B4GALNT2: variants seen among roughly 807,000 people sequenced by gnomAD.
B4GALNT2 encodes beta-1,4-N-acetyl-galactosaminyltransferase 2 (SID blood group), also known as N-acetylneuraminylgalactosylglucosyl-glucoside beta-1,4-N- acetylgalactosaminyltransferase 2.
A neutral mutation model predicts 51.1 loss-of-function variants in B4GALNT2; 42 were observed. The ratio of observed to expected loss-of-function variants is 0.82; its 90% CI spans 0.64 to 1.06. The LOEUF is 1.06. Ranked by LOEUF, B4GALNT2 falls within the 50% of genes least tolerant of loss-of-function variation. B4GALNT2 has a pLI of 0.00. For missense variants in B4GALNT2, 602 were observed against 633.6 expected, an observed-to-expected ratio of 0.95 and a Z score of 0.54; for synonymous variants, 253 against 251.7, an observed-to-expected ratio of 1.01 and a Z score of -0.05.
chr17:49,132,902 T>C, intron 1 of B4GALNT2, 96 bp downstream of exon 1: 1 of 1,377,648 alleles, frequency 7.3e-7, no homozygotes, highest in African/African-American at 1.5e-5. Context: ...GGGCAGGTGC[T>C]GGGGACGCAG....
chr17:49,160,702 A>C, intron 7 of B4GALNT2, 61 bp downstream of exon 7: 1 of 1,435,632 alleles, frequency 7.0e-7, no homozygotes, highest in East Asian at 2.3e-5. Flanking sequence ...GGTGAAATTC[A>C]GAAGGGATCA....
At chr17:49,136,642 G>A (rs2042593293) in intron 1 of B4GALNT2, among the ~76,000 whole-genome samples, 1 of 151,976 alleles carries the variant, frequency 6.6e-6, no homozygotes, top group South Asian at 2.1e-4. Flanking sequence ...CACCTCCTGG[G>A]TTCAAGTGAT....
At chr17:49,146,833 C>G (rs1235106546) in intron 3 of B4GALNT2, among the ~76,000 whole-genome samples, 1 of 152,180 alleles carries the variant, frequency 6.6e-6, no homozygotes, top group African/African-American at 2.4e-5. Flanking sequence ...ACTGGTACTT[C>G]TAAGATTGGG....
intron 2 of B4GALNT2, 97 bp from the exon 3 acceptor site, chr17:49,141,938 T>C: frequency 6.7e-7 from 1 of 1,490,384 alleles, no homozygotes; most frequent in Non-Finnish European, 9.2e-7. Context: ...AAAGAAGATT[T>C]TCAGGGTAAA....
chr17:49,139,984 T>C (rs997116993), intron 1 of B4GALNT2, among the ~76,000 whole-genome samples: 2 of 151,162 alleles, frequency 1.3e-5, no homozygotes, highest in Non-Finnish European at 2.9e-5. Flanking sequence ...TACCTTCTTT[T>C]TATTCTTGAC....
chr17:49,146,302 C>T (rs1005019015), intron 3 of B4GALNT2, among the ~76,000 whole-genome samples: 4 of 151,948 alleles, frequency 2.6e-5, no homozygotes, highest in South Asian at 2.1e-4. Context: ...AATCCATTGC[C>T]GCACTTCTTC....
chr17:49,160,417 A>AT, intron 6 of B4GALNT2, 138 bp from the exon 7 acceptor site: 1 of 796,358 alleles, frequency 1.3e-6, no homozygotes. Context: ...CAGAGACTCT[A>AT]TGGGGTCCTT....
At chr17:49,162,260 T>A (rs993875788) in intron 7 of B4GALNT2, among the ~76,000 whole-genome samples, 1 of 152,276 alleles carries the variant, frequency 6.6e-6, no homozygotes, top group African/African-American at 2.4e-5. Flanking sequence ...CTTAAGAGCA[T>A]CTATGACTCA....
At chr17:49,163,688 G>A (rs371828769) in intron 7 of B4GALNT2, among the ~76,000 whole-genome samples, 19 of 151,156 alleles carry the variant, frequency 1.3e-4, no homozygotes, top group East Asian at 9.7e-4. Flanking sequence ...CCTGGGAGGC[G>A]GAGGTTGCAG....
In B4GALNT2 at chr17:49,141,230, C is replaced by A. The variant is rs375143345; in HGVS notation, c.15-17C>A. 6.2e-7 allele frequency: 1 copy of A among 1,607,458 alleles called. No individual in the cohort carries two copies. The highest frequency in any genetic ancestry group is 8.5e-7 in the Non-Finnish European group (1 of 1,173,948). Reference sequence around the variant, plus strand: ...AAAAAAGATTTTAACATAATCTGTTCTTTTGTGTCCCAACAGCTCGAGATT... The same window carrying A: ...AAAAAAGATTTTAACATAATCTGTTATTTTGTGTCCCAACAGCTCGAGATT... On this transcript the variant is annotated splice_polypyrimidine_tract_variant and intron_variant, in intron 1 of 10. Coordinates refer to ENST00000393354, the MANE Select transcript of B4GALNT2 (RefSeq NM_001159387.2).
intron 10 of B4GALNT2, 145 bp downstream of exon 10, chr17:49,169,045 CAGA>C: frequency 1.2e-6 from 1 of 825,664 alleles, no homozygotes; most frequent in South Asian, 1.8e-5. Flanking sequence ...CCTTTCTCCC[CAGA>C]CTAGGGAGCT....
Position 49,173,222 on chromosome 17 carries a change from A to G in B4GALNT2, c.*3494A>G, listed in dbSNP as rs2042968589. On this transcript the variant is annotated 3_prime_UTR_variant, in exon 11 of 11. Transcript: ENST00000393354. ...TTGCAATTGGGTAAATAAAGCCATC[A>G]GTTGCTCATCTGTGTGGAATCGTAG... 1.3e-5 allele frequency: 2 copies of G among 152,274 alleles called. No homozygotes were observed. The highest frequency in any genetic ancestry group is 3.8e-4 in the East Asian group (2 of 5,204). 9.4% of individuals were successfully genotyped at this position (152,274 alleles called of 1,614,324 possible).
In B4GALNT2 at chr17:49,172,290, C is replaced by T. The variant is rs111365805; in HGVS notation, c.*2562C>T. Reference sequence around the variant, plus strand: ...CTCTTCCTCAGCATCTGGCTCGTGGCAAGGTTTCAGGTGTCTTGATGGCAC... The same window carrying T: ...CTCTTCCTCAGCATCTGGCTCGTGGTAAGGTTTCAGGTGTCTTGATGGCAC... On this transcript the variant is annotated 3_prime_UTR_variant, in exon 11 of 11. Coordinates refer to ENST00000393354, the MANE Select transcript of B4GALNT2 (RefSeq NM_001159387.2). 23,651 of 177,044 alleles carry T rather than the reference C, an allele frequency of 0.13. 1,940 individuals carry two copies. The highest frequency in any genetic ancestry group is 0.22 in the African/African-American group (9,200 of 42,114). The allele number at this position is 177,044 out of a possible 1,614,324, so 11.0% of individuals were successfully genotyped here.
At chr17:49,143,411 T>C (rs1488073658) in intron 3 of B4GALNT2, among the ~76,000 whole-genome samples, 1 of 152,202 alleles carries the variant, frequency 6.6e-6, no homozygotes, top group Non-Finnish European at 1.5e-5. Context: ...GGTGGTAGGA[T>C]GTCCAGGCTA....
intron 9 of B4GALNT2, 33 bp from the exon 10 acceptor site, chr17:49,168,648 A>T: frequency 6.3e-7 from 1 of 1,593,676 alleles, no homozygotes; most frequent in Non-Finnish European, 8.6e-7. Context: ...ATTGATCTGC[A>T]CTCTAACATG....
chr17:49,140,163 T>C (rs1035477773), intron 1 of B4GALNT2, among the ~76,000 whole-genome samples: 7 of 151,650 alleles, frequency 4.6e-5, no homozygotes, highest in Non-Finnish European at 8.8e-5. Context: ...TGCAGTGGCG[T>C]GATCTCAGCT....
In B4GALNT2 at chr17:49,175,236, T is replaced by A. The variant is rs900005502; in HGVS notation, c.*5508T>A. On this transcript the variant is annotated 3_prime_UTR_variant, in exon 11 of 11. Coordinates refer to ENST00000393354, the MANE Select transcript of B4GALNT2 (RefSeq NM_001159387.2). ...CTGAATAGTTATTTCACAGGTAGGA[T>A]GTTTATCAGTAATTTGATTCACCCA... 13 of 152,192 alleles carry A rather than the reference T, an allele frequency of 8.5e-5. No individual in the cohort carries two copies. Among genetic ancestry groups the A allele is most frequent in the African/African-American group, 3.1e-4 (13 of 41,464 alleles). 9.4% of individuals were successfully genotyped at this position (152,192 alleles called of 1,614,324 possible). A position where few individuals can be genotyped will look rare whatever the true frequency, so the allele number is the denominator to read the frequency against.
Position 49,154,588 on chromosome 17 carries a change from T to C in B4GALNT2, c.460+1682T>C, listed in dbSNP as rs564653417. Among the ~76,000 whole-genome samples the C allele has an allele frequency of 2.6e-5, 4 of 151,674 alleles. No individual in the cohort carries two copies. In the East Asian group the frequency reaches 7.8e-4, roughly 30 times the overall value. Reference sequence around the variant, plus strand: ...CCCCAGAAAAGACCTCCAAGTAAGGTCTCGGTGTGGTGACACCTGGGGATC... The same window carrying C: ...CCCCAGAAAAGACCTCCAAGTAAGGCCTCGGTGTGGTGACACCTGGGGATC... On this transcript the variant is annotated intron_variant, in intron 4 of 10. Coordinates refer to ENST00000393354, the MANE Select transcript of B4GALNT2 (RefSeq NM_001159387.2).
intron 7 of B4GALNT2, 98 bp downstream of exon 7, chr17:49,160,739 A>G: frequency 8.6e-7 from 1 of 1,162,706 alleles, no homozygotes; most frequent in Non-Finnish European, 1.3e-6. Flanking sequence ...GAATTGATCA[A>G]AATGACAGCT....
Sources: allele counts gnomAD v4.1 joint callset (sites outside exome capture counted in the v4.1 genomes callset), GRCh38; gene constraint gnomAD v4.1.1; transcripts MANE v1.5; gene names NCBI Gene and HGNC (gene_info 2026-07-23, HGNC 2026-07-21).